PCDHGB5: variants seen among roughly 807,000 people sequenced by gnomAD.
PCDHGB5 encodes protocadherin gamma-B5.
PCDHGB5 carries 48 observed loss-of-function variants against 62.9 expected under a neutral mutation model. The ratio of observed to expected loss-of-function variants is 0.76; its 90% CI spans 0.61 to 0.97. PCDHGB5 has a LOEUF of 0.97. PCDHGB5 is among the 50% of genes least tolerant of loss of function. The pLI, the probability that PCDHGB5 is intolerant of heterozygous loss-of-function variation, is 0.00. For missense variants in PCDHGB5, 1,118 were observed against 1,198.6 expected (o/e 0.93, Z 0.99); for synonymous variants, 474 against 511.2 (o/e 0.93, Z 0.98).
chr5:141,485,338 T>C lies in PCDHGB5; in HGVS notation c.2398-9469T>C, dbSNP rs1259658641. The stretch of plus-strand genomic sequence containing the variant: ...ATGTCGCTCAAGATTTCCTGCTGGA[T>C]ACGGACAGTCTGTCAGCTCGCAGGC... On this transcript the variant is annotated intron_variant, in intron 1 of 3. Coordinates refer to ENST00000617380, the MANE Select transcript of PCDHGB5 (RefSeq NM_018925.3). The surrounding 1 kb of genome is among the most constrained non-coding windows in gnomAD (Gnocchi z 5.7). 1 of 1,614,140 alleles carries C rather than the reference T, an allele frequency of 6.2e-7. No individual in the cohort carries two copies. Among genetic ancestry groups the C allele is most frequent in the Non-Finnish European group, 8.5e-7 (1 of 1,180,006 alleles).
At chr5:141,409,933 GGT>G in intron 1 of PCDHGB5, 1 of 1,613,354 alleles carries the variant, frequency 6.2e-7, no homozygotes, top group East Asian at 2.2e-5. Flanking sequence ...TCTTCGATAT[GGT>G]ACCTCGCTCT....
intron 1 of PCDHGB5, among the ~76,000 whole-genome samples, chr5:141,434,285 T>G (rs1358981946): frequency 6.6e-6 from 1 of 152,232 alleles, no homozygotes; most frequent in Non-Finnish European, 1.5e-5. Context: ...GTATTCTCTG[T>G]TTTTCCTGTA....
intron 1 of PCDHGB5, among the ~76,000 whole-genome samples, chr5:141,425,338 G>A (rs561085111): frequency 6.6e-6 from 1 of 152,290 alleles, no homozygotes; most frequent in African/African-American, 2.4e-5. Flanking sequence ...AAAAGGAAGG[G>A]TTGGCTTTGA....
intron 1 of PCDHGB5, among the ~76,000 whole-genome samples, chr5:141,456,059 G>A (rs1200043527): frequency 1.3e-5 from 2 of 151,662 alleles, no homozygotes; most frequent in Non-Finnish European, 1.5e-5. Flanking sequence ...CACCACGTCC[G>A]GCTAATTTTT....
rs1417754081 is a variant in PCDHGB5, at chr5:141,512,046, T to C, written c.*873T>C. 1 of 152,746 alleles carries C rather than the reference T, an allele frequency of 6.5e-6. No individual in the cohort carries two copies. Among genetic ancestry groups the C allele is most frequent in the East Asian group, 1.9e-4 (1 of 5,190 alleles). 9.5% of individuals were successfully genotyped at this position (152,746 alleles called of 1,614,324 possible). Reference sequence around the variant, plus strand: ...GCCTTGGAGGAGGCTCTGTATGTCCTCAGGGGACTGACAACATCCTCCAGA... The same window carrying C: ...GCCTTGGAGGAGGCTCTGTATGTCCCCAGGGGACTGACAACATCCTCCAGA... On this transcript the variant is annotated 3_prime_UTR_variant, in exon 4 of 4. Transcript: ENST00000617380.
At chr5:141,404,479 A>C in intron 1 of PCDHGB5, 1 of 1,613,750 alleles carries the variant, frequency 6.2e-7, no homozygotes, top group South Asian at 1.1e-5. Context: ...CTATTAACTC[A>C]GACACTGGTG....
At chr5:141,417,602 C>G in intron 1 of PCDHGB5, 1 of 510,170 alleles carries the variant, frequency 2.0e-6, no homozygotes, top group Middle Eastern at 5.2e-4. Context: ...TGGGCGCCGC[C>G]GTCGGCCAGT....
intron 1 of PCDHGB5, among the ~76,000 whole-genome samples, chr5:141,463,839 T>C (rs1356261890): frequency 1.3e-5 from 2 of 152,240 alleles, no homozygotes; most frequent in African/African-American, 4.8e-5. Flanking sequence ...TTCCCAGTTG[T>C]TATAGTGGTA....
intron 1 of PCDHGB5, chr5:141,408,915 A>T (rs2095192273): frequency 1.2e-6 from 2 of 1,613,004 alleles, no homozygotes; most frequent in South Asian, 2.2e-5. Context: ...ACCAATGATA[A>T]CCCCCCGGTT....
intron 1 of PCDHGB5, among the ~76,000 whole-genome samples, chr5:141,474,763 A>G (rs2099354251): frequency 6.6e-6 from 1 of 152,254 alleles, no homozygotes; most frequent in Non-Finnish European, 1.5e-5. Flanking sequence ...ATATACAGAA[A>G]TAGTATGAGG....
intron 1 of PCDHGB5, among the ~76,000 whole-genome samples, chr5:141,407,609 TG>T (rs2094960291): frequency 1.3e-5 from 2 of 152,162 alleles, no homozygotes; most frequent in Admixed American, 1.3e-4. Flanking sequence ...AAAGAAGCAT[TG>T]GTTGACATTC....
intron 1 of PCDHGB5, chr5:141,419,071 A>G: frequency 6.2e-7 from 1 of 1,614,006 alleles, no homozygotes; most frequent in South Asian, 1.1e-5. Flanking sequence ...ACTACAAGCT[A>G]GTAACAGATG....
chr5:141,424,776 A>G (rs1406581367), intron 1 of PCDHGB5: 2 of 152,154 alleles, frequency 1.3e-5, no homozygotes, highest in African/African-American at 4.8e-5. Context: ...CAAATAGTAC[A>G]TTCAGTTCTT....
chr5:141,419,756 G>C (rs1006926516), intron 1 of PCDHGB5: 10 of 1,613,890 alleles, frequency 6.2e-6, no homozygotes, highest in Admixed American at 1.7e-5. Flanking sequence ...GCGTGCTTTG[G>C]GTGACAAGGA....
chr5:141,428,031 G>A (rs760882803), intron 1 of PCDHGB5: 6 of 1,607,376 alleles, frequency 3.7e-6, no homozygotes, highest in South Asian at 3.3e-5. Context: ...CGCAGAGTCC[G>A]GCTACCTGGT....
intron 1 of PCDHGB5, among the ~76,000 whole-genome samples, chr5:141,460,983 GTATATA>G (rs59296681): frequency 0.23 from 32,081 of 137,558 alleles, 4,351 homozygotes; most frequent in African/African-American, 0.39. Context: ...GTGTGTGTGT[GTATATA>G]TATATATGTG....
intron 1 of PCDHGB5, among the ~76,000 whole-genome samples, chr5:141,482,161 G>A (rs2099554171): frequency 6.6e-6 from 1 of 152,008 alleles, no homozygotes; most frequent in Non-Finnish European, 1.5e-5. Context: ...TCAAAGATAT[G>A]TAAGATTAAG....
intron 1 of PCDHGB5, chr5:141,414,582 C>T (rs2095761888): frequency 2.5e-6 from 4 of 1,613,862 alleles, no homozygotes; most frequent in Non-Finnish European, 3.4e-6. Flanking sequence ...CAGAGAACAA[C>T]GCCAGGGGTG....
At chr5:141,408,164 A>C (rs2095051548) in intron 1 of PCDHGB5, 1 of 1,520,458 alleles carries the variant, frequency 6.6e-7, no homozygotes, top group African/African-American at 1.4e-5. Context: ...ACTTTCTCCA[A>C]CTGGAAAAGC....
Sources: gnomAD v4.1 joint callset for allele counts (sites outside exome capture counted in the v4.1 genomes callset) on GRCh38, gnomAD v4.1.1 for gene constraint, Gnocchi (gnomAD v3.1) non-coding constraint, MANE v1.5 for transcripts, NCBI Gene and HGNC (gene_info 2026-07-23, HGNC 2026-07-21) for gene names.